NRG1: variants seen among roughly 807,000 people sequenced by gnomAD.
The protein encoded by NRG1 is neuregulin 1.
In NRG1, 18 loss-of-function variants were observed where a neutral mutation model predicts 63.8. The ratio of observed to expected loss-of-function variants is 0.28; its 90% CI spans 0.19 to 0.42. The LOEUF is 0.42. Among genes scored for constraint, NRG1 ranks in the 10% least tolerant of loss-of-function variants. The pLI is 1.00. For missense variants in NRG1, 762 were observed against 814.7 expected (o/e 0.94, Z 0.79); for synonymous variants, 302 against 301.3 (o/e 1.00, Z -0.02).
intron 1 of NRG1, among the ~76,000 whole-genome samples, chr8:32,209,757 C>A (rs1844483539): frequency 1.3e-5 from 2 of 151,062 alleles, no homozygotes; most frequent in Admixed American, 1.3e-4. Flanking sequence ...TTCCTTCCTT[C>A]CTTCCTTCCT....
At chr8:32,418,137 A>G (rs974702999) in intron 1 of NRG1, among the ~76,000 whole-genome samples, 2 of 152,112 alleles carry the variant, frequency 1.3e-5, no homozygotes, top group Non-Finnish European at 2.9e-5. Flanking sequence ...ATTTACTTAT[A>G]ATTCTCAACT....
chr8:31,961,188 T>A (rs570743557), intron 1 of NRG1, among the ~76,000 whole-genome samples: 1 of 152,324 alleles, frequency 6.6e-6, no homozygotes, highest in South Asian at 2.1e-4. Flanking sequence ...TGGAAGTCAC[T>A]GTAAATCGAT....
intron 1 of NRG1, among the ~76,000 whole-genome samples, chr8:32,499,075 A>G (rs181486987): frequency 3.0e-4 from 46 of 152,338 alleles, no homozygotes; most frequent in Non-Finnish European, 6.2e-4. Context: ...AAAGGGAAAG[A>G]ACATAGATCA....
chr8:32,205,230 A>T, intron 1 of NRG1, among the ~76,000 whole-genome samples: 1 of 152,118 alleles, frequency 6.6e-6, no homozygotes, highest in Non-Finnish European at 1.5e-5. Flanking sequence ...ATATTTTACA[A>T]ATATTTCTGC....
At chr8:32,756,699 G>T (rs2129054712) in intron 9 of NRG1, among the ~76,000 whole-genome samples, 170 bp downstream of exon 9, 1 of 152,280 alleles carries the variant, frequency 6.6e-6, no homozygotes, top group South Asian at 2.1e-4. Flanking sequence ...TTTAAAAGTG[G>T]ATTTGGTTAC....
intron 2 of NRG1, 78 bp from the exon 3 acceptor site, chr8:32,605,484 A>C: frequency 3.9e-6 from 6 of 1,549,822 alleles, no homozygotes; most frequent in Non-Finnish European, 5.3e-6. Context: ...AGAACTCTGA[A>C]AGCATAGAAA....
At chr8:32,390,602 T>TA (rs66980062) in intron 1 of NRG1, among the ~76,000 whole-genome samples, 102 of 130,662 alleles carry the variant, frequency 7.8e-4, no homozygotes, top group South Asian at 2.5e-3. Context: ...GACCCTGTCT[T>TA]AAAAAAAAAA....
intron 1 of NRG1, among the ~76,000 whole-genome samples, chr8:32,350,938 A>G (rs2129479689): frequency 6.6e-6 from 1 of 152,270 alleles, no homozygotes; most frequent in East Asian, 1.9e-4. Context: ...TGCTCAGTCA[A>G]TATTTATCTA....
chr8:31,692,861 T>G (rs911976177), intron 1 of NRG1, among the ~76,000 whole-genome samples: 3 of 152,186 alleles, frequency 2.0e-5, no homozygotes, highest in African/African-American at 7.2e-5. Context: ...GGAACCTGAA[T>G]AGGAAATAGC....
chr8:31,822,070 G>A (rs1824057352), intron 1 of NRG1, among the ~76,000 whole-genome samples: 1 of 152,148 alleles, frequency 6.6e-6, no homozygotes, highest in Non-Finnish European at 1.5e-5. Context: ...GTGAAACTTG[G>A]GGCATAATGC....
intron 1 of NRG1, among the ~76,000 whole-genome samples, chr8:32,011,672 C>T (rs1020850914): frequency 2.0e-5 from 3 of 152,046 alleles, no homozygotes; most frequent in Non-Finnish European, 4.4e-5. Flanking sequence ...CACCACTCTC[C>T]CTCTCCTCCA....
At chr8:32,518,424 A>G (rs1302967692) in intron 1 of NRG1, among the ~76,000 whole-genome samples, 2 of 152,158 alleles carry the variant, frequency 1.3e-5, no homozygotes, top group Non-Finnish European at 1.5e-5. Flanking sequence ...TCTAGTCCCA[A>G]TTGTGTGGGT....
intron 1 of NRG1, among the ~76,000 whole-genome samples, chr8:32,156,501 C>A (rs950193309): frequency 2.6e-5 from 4 of 152,152 alleles, no homozygotes; most frequent in African/African-American, 9.7e-5. Context: ...AATTCCAGTG[C>A]CTGGCATAAT....
At chr8:32,412,801 T>G (rs573122829) in intron 1 of NRG1, among the ~76,000 whole-genome samples, 2 of 152,224 alleles carry the variant, frequency 1.3e-5, no homozygotes, top group Middle Eastern at 3.4e-3. Flanking sequence ...AATATGGTAT[T>G]ATAATCTTAT....
chr8:32,647,153 T>C (rs1853750934), intron 5 of NRG1: 1 of 985,236 alleles, frequency 1.0e-6, no homozygotes, highest in South Asian at 4.7e-5. Flanking sequence ...CACCTGCTGC[T>C]CTGTAATGAT....
At chr8:32,739,187 C>T (rs941662814) in intron 6 of NRG1, among the ~76,000 whole-genome samples, 2 of 152,126 alleles carry the variant, frequency 1.3e-5, no homozygotes, top group Non-Finnish European at 2.9e-5. Flanking sequence ...CGAGAGAGGG[C>T]GTTTGCCTCC....
intron 1 of NRG1, among the ~76,000 whole-genome samples, chr8:32,123,647 A>G (rs1201434276): frequency 1.3e-5 from 2 of 149,002 alleles, no homozygotes; most frequent in Non-Finnish European, 3.0e-5. Flanking sequence ...ATCATAATAT[A>G]TATATTATGT....
At chr8:31,824,378 G>A (rs558529385) in intron 1 of NRG1, among the ~76,000 whole-genome samples, 72 of 152,110 alleles carry the variant, frequency 4.7e-4, no homozygotes, top group African/African-American at 1.5e-3. Context: ...GGCTGCATAG[G>A]CCTAGAAAGG....
rs183343365 is a variant in NRG1 at position 32,152,812 on chromosome 8, C to T, written c.38-443016C>T. Among the ~76,000 whole-genome samples the T allele has an allele frequency of 1.9e-3, 284 of 152,248 alleles. 2 individuals carry two copies. The highest frequency in any genetic ancestry group is 6.8e-3 in the Middle Eastern group (2 of 294). ...AAAAAAGTTTTAAATTAGATAAAAA[C>T]CTGTGTATCCCCTTTCTTAGTAAAT... On this transcript the variant is annotated intron_variant, in intron 1 of 10. Transcript: ENST00000519301.
Sources: gnomAD v4.1 joint callset for allele counts (sites outside exome capture counted in the v4.1 genomes callset) on GRCh38, gnomAD v4.1.1 for gene constraint, MANE v1.5 for transcripts, NCBI Gene and HGNC (gene_info 2026-07-23, HGNC 2026-07-21) for gene names.